The following PTPRR variants were observed in gnomAD, a reference collection of about 807,000 sequenced individuals.
PTPRR encodes protein tyrosine phosphatase receptor type R.
Under a neutral mutation model 77.2 loss-of-function variants are expected in PTPRR, and 38 were observed. That is an observed-to-expected ratio of 0.49 (90% confidence interval 0.38 to 0.65). The LOEUF is 0.65. Among genes scored for constraint, PTPRR ranks in the 30% least tolerant of loss-of-function variants. The pLI, the probability that PTPRR is intolerant of heterozygous loss-of-function variation, is 0.00. For synonymous variants in PTPRR, 299 were observed against 283.1 expected (o/e 1.06, Z -0.57); for missense variants, 744 against 799.2 (o/e 0.93, Z 0.83).
At chr12:70,737,337 C>G (rs943090791) in intron 6 of PTPRR, among the ~76,000 whole-genome samples, 1 of 151,996 alleles carries the variant, frequency 6.6e-6, no homozygotes, top group Non-Finnish European at 1.5e-5. Flanking sequence ...AGCATCTTCT[C>G]AACACATCAT....
intron 2 of PTPRR, among the ~76,000 whole-genome samples, chr12:70,876,626 C>T (rs1893056438): frequency 6.6e-6 from 1 of 152,168 alleles, no homozygotes; most frequent in Non-Finnish European, 1.5e-5. Flanking sequence ...TACATCCCTA[C>T]ATGAGTGTAA....
intron 10 of PTPRR, among the ~76,000 whole-genome samples, chr12:70,676,318 G>A (rs1887444308): frequency 6.6e-6 from 1 of 151,690 alleles, no homozygotes; most frequent in Admixed American, 6.6e-5. Flanking sequence ...TCTTTATAAT[G>A]TTTATTTCTA....
At chr12:70,672,481 C>T in intron 10 of PTPRR, 2 of 1,157,138 alleles carry the variant, frequency 1.7e-6, no homozygotes, top group Admixed American at 1.7e-5. Context: ...CACTGCGGCT[C>T]ATAACGTGAG....
chr12:70,720,219 G>A (rs1889195252), intron 6 of PTPRR, among the ~76,000 whole-genome samples: 1 of 152,124 alleles, frequency 6.6e-6, no homozygotes, highest in Non-Finnish European at 1.5e-5. Flanking sequence ...TGAGATCTGG[G>A]GGCACATTAC....
intron 10 of PTPRR, among the ~76,000 whole-genome samples, chr12:70,668,570 A>T (rs1204103468): frequency 6.6e-6 from 1 of 152,166 alleles, no homozygotes; most frequent in Admixed American, 6.5e-5. Context: ...CATTTTATGC[A>T]TTTAGAATTT....
At chr12:70,855,983 C>T (rs891667269) in intron 2 of PTPRR, among the ~76,000 whole-genome samples, 1 of 152,088 alleles carries the variant, frequency 6.6e-6, no homozygotes, top group Non-Finnish European at 1.5e-5. Context: ...AAAATTGTCA[C>T]CCAAAACCCA....
chr12:70,663,939 C>G (rs1886885942), intron 10 of PTPRR, among the ~76,000 whole-genome samples: 1 of 152,150 alleles, frequency 6.6e-6, no homozygotes, highest in Non-Finnish European at 1.5e-5. Flanking sequence ...CAGCAAAAGA[C>G]TCACAAAATT....
At chr12:70,917,267 A>G (rs1451497229) in intron 1 of PTPRR, among the ~76,000 whole-genome samples, 1 of 152,226 alleles carries the variant, frequency 6.6e-6, no homozygotes, top group African/African-American at 2.4e-5. Flanking sequence ...GAATAAGGAC[A>G]GTTAGGTAAA....
intron 6 of PTPRR, among the ~76,000 whole-genome samples, chr12:70,719,603 C>T (rs1180717202): frequency 6.6e-6 from 1 of 152,014 alleles, no homozygotes; most frequent in Non-Finnish European, 1.5e-5. Flanking sequence ...GAAAGAATTG[C>T]TTGCCTCTAC....
chr12:70,699,581 G>A (rs2136778366), intron 7 of PTPRR, among the ~76,000 whole-genome samples: 1 of 152,108 alleles, frequency 6.6e-6, no homozygotes, highest in East Asian at 1.9e-4. Flanking sequence ...TGAGTAGCTG[G>A]GATTACAAGC....
intron 2 of PTPRR, among the ~76,000 whole-genome samples, chr12:70,810,512 T>G (rs1297674596): frequency 1.3e-4 from 20 of 152,176 alleles, no homozygotes; most frequent in Admixed American, 1.3e-3. Context: ...ACTTAACTTT[T>G]AACAGTTATT....
chr12:70,897,925 T>C (rs571527334), intron 1 of PTPRR, among the ~76,000 whole-genome samples: 1 of 143,316 alleles, frequency 7.0e-6, no homozygotes, highest in Non-Finnish European at 1.5e-5. Flanking sequence ...CACCACATGT[T>C]CTCACTCATA....
At chr12:70,899,083 C>A (rs909833606) in intron 1 of PTPRR, among the ~76,000 whole-genome samples, 2 of 151,356 alleles carry the variant, frequency 1.3e-5, no homozygotes, top group Admixed American at 1.3e-4. Context: ...TCTACTTAAA[C>A]CTTTTCTGAA....
rs191409081 is a variant in PTPRR, at chr12:70,873,118, T to G, written c.357+19561A>C. ...CTCAAACAAGCCATCTCATATTTCT[T>G]GGGGCTATCCACAAAATAAGTGAGT... On this transcript the variant is annotated intron_variant, in intron 2 of 13. Coordinates refer to ENST00000283228, the MANE Select transcript of PTPRR (RefSeq NM_002849.4). Among the ~76,000 whole-genome samples the G allele has an allele frequency of 1.8e-3, 276 of 152,322 alleles. 1 individual carries two copies. Among genetic ancestry groups the G allele is most frequent in the Middle Eastern group, 3.4e-3 (1 of 294 alleles).
chr12:70,784,725 C>T (rs547016313), intron 2 of PTPRR, among the ~76,000 whole-genome samples: 87 of 152,230 alleles, frequency 5.7e-4, no homozygotes, highest in Non-Finnish European at 1.0e-3. Flanking sequence ...GTTTACTGCA[C>T]ATCAATGTTG....
chr12:70,638,875 C>A lies in PTPRR; in HGVS notation c.*309G>T, dbSNP rs1885872441. 3.4e-6 allele frequency: 1 copy of A among 296,298 alleles called. No homozygotes were observed. The highest frequency in any genetic ancestry group is 6.3e-6 in the Non-Finnish European group (1 of 157,966). 18.4% of individuals were successfully genotyped at this position (296,298 alleles called of 1,614,324 possible). A position where few individuals can be genotyped will look rare whatever the true frequency, so the allele number is the denominator to read the frequency against. The stretch of plus-strand genomic sequence containing the variant: ...GACATTTATTACTGAATATTACATA[C>A]ATACATTCTGTGTGGCAGATAGAGT... On this transcript the variant is annotated 3_prime_UTR_variant, in exon 14 of 14. Coordinates refer to ENST00000283228, the MANE Select transcript of PTPRR (RefSeq NM_002849.4).
chr12:70,849,775 G>A (rs2137068059), intron 2 of PTPRR, among the ~76,000 whole-genome samples: 1 of 152,198 alleles, frequency 6.6e-6, no homozygotes, highest in East Asian at 1.9e-4. Context: ...TGCCTTTTTA[G>A]TCATTTTTCC....
At chr12:70,693,374 G>T (rs1044390950) in intron 8 of PTPRR, among the ~76,000 whole-genome samples, 1 of 152,028 alleles carries the variant, frequency 6.6e-6, no homozygotes, top group African/African-American at 2.4e-5. Context: ...ACAGCTCACT[G>T]CGACCTCAAC....
intron 2 of PTPRR, among the ~76,000 whole-genome samples, chr12:70,829,937 G>C (rs1322951835): frequency 6.6e-6 from 1 of 152,162 alleles, no homozygotes; most frequent in Admixed American, 6.5e-5. Flanking sequence ...TACTCTTCCT[G>C]TTTTACCAAA....
Sources: gnomAD v4.1 joint callset for allele counts (sites outside exome capture counted in the v4.1 genomes callset) on GRCh38, gnomAD v4.1.1 for gene constraint, MANE v1.5 for transcripts, NCBI Gene and HGNC (gene_info 2026-07-23, HGNC 2026-07-21) for gene names.